HSDL2: variants seen among roughly 807,000 people sequenced by gnomAD.
HSDL2 encodes hydroxysteroid dehydrogenase-like protein 2.
In HSDL2, 27 loss-of-function variants were observed where a neutral mutation model predicts 46.3. The ratio of observed to expected loss-of-function variants is 0.58; its 90% confidence interval spans 0.43 to 0.80. HSDL2 has a LOEUF of 0.80. Ranked by LOEUF, HSDL2 falls within the 30% of genes least tolerant of loss-of-function variation. HSDL2 has a pLI of 0.00. For synonymous variants in HSDL2, 153 were observed against 163.6 expected, an observed-to-expected ratio of 0.94 and a Z score of 0.50; for missense variants, 451 against 502.7, an observed-to-expected ratio of 0.90 and a Z score of 0.98.
intron 10 of HSDL2, among the ~76,000 whole-genome samples, chr9:112,467,531 A>G (rs1833428470): frequency 1.3e-5 from 2 of 152,170 alleles, no homozygotes; most frequent in Non-Finnish European, 1.5e-5. Flanking sequence ...AAATGCCACT[A>G]AATTGTTTCT....
intron 6 of HSDL2, among the ~76,000 whole-genome samples, chr9:112,424,088 AG>A (rs1832192340): frequency 6.7e-6 from 1 of 149,964 alleles, no homozygotes; most frequent in African/African-American, 2.4e-5. Flanking sequence ...TAGGAGGCTG[AG>A]GTGGGCGGAT....
rs538599368 is a variant in HSDL2 at position 112,453,361 on chromosome 9, C to T, written c.866-652C>T. On this transcript the variant is annotated intron_variant, in intron 8 of 10. Coordinates refer to ENST00000398805, the MANE Select transcript of HSDL2 (RefSeq NM_032303.5). ...ACAAAGGAGTGATTGATTATCATCC[C>T]TCATACTCCAGTAGTTGTGTTTAGG... Among the ~76,000 whole-genome samples the T allele has an allele frequency of 8.5e-5, 13 of 152,118 alleles. No homozygotes were observed. In the South Asian group the frequency reaches 2.7e-3, roughly 32 times the overall value.
At chr9:112,397,841 CT>C (rs1175890601) in intron 1 of HSDL2, among the ~76,000 whole-genome samples, 2 of 152,178 alleles carry the variant, frequency 1.3e-5, no homozygotes, top group Non-Finnish European at 2.9e-5. Flanking sequence ...TAGGACCATA[CT>C]GAGTACAAGC....
At chr9:112,383,921 C>CA (rs1448136823) in intron 1 of HSDL2, among the ~76,000 whole-genome samples, 3 of 152,142 alleles carry the variant, frequency 2.0e-5, no homozygotes, top group Admixed American at 2.0e-4. Flanking sequence ...AGGCTGGTCT[C>CA]AAACTCCTGG....
intron 7 of HSDL2, among the ~76,000 whole-genome samples, chr9:112,440,039 C>T (rs1832606525): frequency 6.6e-6 from 1 of 152,168 alleles, no homozygotes; most frequent in African/African-American, 2.4e-5. Context: ...GAAAAACAGG[C>T]TCAGAGAGAT....
chr9:112,453,636 AC>A (rs1587964810), intron 8 of HSDL2, among the ~76,000 whole-genome samples: 1 of 151,594 alleles, frequency 6.6e-6, no homozygotes, highest in Non-Finnish European at 1.5e-5. Context: ...CAAGTGATCC[AC>A]CCGCCTTGGC....
chr9:112,388,460 CAAAAAA>C (rs35133211), intron 1 of HSDL2, among the ~76,000 whole-genome samples: 1 of 107,346 alleles, frequency 9.3e-6, no homozygotes, highest in Non-Finnish European at 1.9e-5. Context: ...GACTCCATCT[CAAAAAA>C]AAAAAAAAAA....
chr9:112,431,824 T>G (rs1411716677), intron 6 of HSDL2, among the ~76,000 whole-genome samples: 1 of 151,924 alleles, frequency 6.6e-6, no homozygotes, highest in Non-Finnish European at 1.5e-5. Flanking sequence ...TGCAGAACTG[T>G]GAGCCAGTTA....
intron 1 of HSDL2, among the ~76,000 whole-genome samples, chr9:112,392,724 C>T (rs563309357): frequency 1.3e-5 from 2 of 152,254 alleles, no homozygotes; most frequent in East Asian, 1.9e-4. Context: ...TATTCTTTTT[C>T]AAGGTGTGCT....
At chr9:112,426,151 T>C (rs1183672674) in intron 6 of HSDL2, among the ~76,000 whole-genome samples, 1 of 152,136 alleles carries the variant, frequency 6.6e-6, no homozygotes, top group East Asian at 1.9e-4. Context: ...CTGGCTGTGA[T>C]AGCCTCTGTA....
intron 6 of HSDL2, among the ~76,000 whole-genome samples, chr9:112,422,502 G>A (rs1035332555): frequency 6.6e-6 from 1 of 152,162 alleles, no homozygotes; most frequent in Non-Finnish European, 1.5e-5. Flanking sequence ...TAGTTGAAGG[G>A]TTGGATGTTG....
At chr9:112,394,349 G>T (rs1469179128) in intron 1 of HSDL2, among the ~76,000 whole-genome samples, 1 of 152,188 alleles carries the variant, frequency 6.6e-6, no homozygotes, top group Non-Finnish European at 1.5e-5. Context: ...TTAAGGGAAA[G>T]AACGAGCTGA....
At chr9:112,382,154 AG>A (rs1323555061) in intron 1 of HSDL2, among the ~76,000 whole-genome samples, 1 of 152,184 alleles carries the variant, frequency 6.6e-6, no homozygotes, top group Admixed American at 6.5e-5. Flanking sequence ...CCAGCTACTC[AG>A]GAGGCTGAGG....
intron 6 of HSDL2, among the ~76,000 whole-genome samples, chr9:112,428,579 A>AT (rs933654437): frequency 6.6e-5 from 10 of 152,146 alleles, no homozygotes; most frequent in African/African-American, 2.4e-4. Context: ...GTTTTGTTTT[A>AT]TTTCTAGTGG....
chr9:112,429,043 C>T (rs1423013007), intron 6 of HSDL2, among the ~76,000 whole-genome samples: 2 of 152,156 alleles, frequency 1.3e-5, no homozygotes, highest in African/African-American at 2.4e-5. Context: ...GGATTTCAGG[C>T]GCAGGCCACC....
intron 6 of HSDL2, among the ~76,000 whole-genome samples, chr9:112,430,677 T>C (rs1832367465): frequency 6.6e-6 from 1 of 152,150 alleles, no homozygotes; most frequent in South Asian, 2.1e-4. Flanking sequence ...GATTCTGATA[T>C]ATTTTCAAGG....
At chr9:112,407,993 A>T (rs10981396) in intron 3 of HSDL2, among the ~76,000 whole-genome samples, 3 of 152,018 alleles carry the variant, frequency 2.0e-5, no homozygotes, top group African/African-American at 7.3e-5. Flanking sequence ...GAAACTAGAT[A>T]GAATTTGCAG....
chr9:112,464,225 G>GACAC (rs756529908), intron 10 of HSDL2, among the ~76,000 whole-genome samples: 21 of 4,858 alleles, frequency 4.3e-3, no homozygotes, highest in East Asian at 0.015. Context: ...CACACACACA[G>GACAC]ACACACACAC....
intron 6 of HSDL2, 86 bp from the exon 7 acceptor site, chr9:112,438,345 G>A: frequency 1.2e-6 from 1 of 854,984 alleles, no homozygotes; most frequent in Non-Finnish European, 1.6e-6. Context: ...TGATAATTGT[G>A]AAGGGTGGTG....
Sources: gnomAD v4.1 joint callset for allele counts (sites outside exome capture counted in the v4.1 genomes callset) on GRCh38, gnomAD v4.1.1 for gene constraint, MANE v1.5 for transcripts, NCBI Gene and HGNC (gene_info 2026-07-23, HGNC 2026-07-21) for gene names.